Variants in SKAP2 observed in about 807,000 individuals in gnomAD.
SKAP2 encodes src kinase associated phosphoprotein 2, also known as src kinase-associated phosphoprotein 2.
In SKAP2, 28 loss-of-function variants were observed where a neutral mutation model predicts 54.9. That is an observed-to-expected ratio of 0.51 (90% CI 0.38 to 0.70). SKAP2 has a LOEUF of 0.70. Among genes scored for constraint, SKAP2 ranks in the 30% least tolerant of loss-of-function variants. SKAP2 has a pLI of 0.00. For synonymous variants in SKAP2, 137 were observed against 134.3 expected (o/e 1.02, Z -0.14); for missense variants, 356 against 424.1 (o/e 0.84, Z 1.41).
chr7:26,748,406 G>C (rs1248696174), intron 4 of SKAP2, among the ~76,000 whole-genome samples: 5 of 151,986 alleles, frequency 3.3e-5, no homozygotes, highest in Admixed American at 3.3e-4. Context: ...TCATTTAAAA[G>C]TAAGGTTTTA....
chr7:26,658,276 CCTTT>C, the SKAP2 span, among the ~76,000 whole-genome samples: 1 of 152,160 alleles, frequency 6.6e-6, no homozygotes, highest in Non-Finnish European at 1.5e-5. Flanking sequence ...GCAAATGTTA[CCTTT>C]CTTTTTCAAT....
intron 4 of SKAP2, among the ~76,000 whole-genome samples, chr7:26,756,684 G>A (rs1418665656): frequency 6.6e-6 from 1 of 152,052 alleles, no homozygotes; most frequent in African/African-American, 2.4e-5. Flanking sequence ...TAATCCTTTG[G>A]GTATATACCC....
intron 9 of SKAP2, among the ~76,000 whole-genome samples, chr7:26,701,215 C>T (rs1787014655): frequency 6.6e-6 from 1 of 152,112 alleles, no homozygotes; most frequent in Admixed American, 6.5e-5. Context: ...GCTTCTGTTC[C>T]CTCTTACCAA....
chr7:26,847,226 T>C (rs759408174), intron 3 of SKAP2, among the ~76,000 whole-genome samples: 2 of 152,170 alleles, frequency 1.3e-5, no homozygotes, highest in African/African-American at 2.4e-5. Context: ...AGAATCTATA[T>C]GCTATATATA....
chr7:26,755,652 T>C (rs370872787), intron 4 of SKAP2, among the ~76,000 whole-genome samples: 11 of 152,304 alleles, frequency 7.2e-5, no homozygotes, highest in Admixed American at 6.5e-4. Context: ...CTGTCTTCTC[T>C]TCACTGCTGT....
intron 11 of SKAP2, among the ~76,000 whole-genome samples, chr7:26,672,131 T>C (rs1786256821): frequency 6.6e-6 from 1 of 152,120 alleles, no homozygotes. Context: ...GACATATTAT[T>C]GGCATAAACT....
chr7:26,827,948 G>C lies in SKAP2; in HGVS notation c.307+16082C>G, dbSNP rs538499522. On this transcript the variant is annotated intron_variant, in intron 4 of 12. Transcript: ENST00000345317. ...TCAGTCCCCTATGTGACTGACACAGGGAAAAAATAAATAAATAAATACATT... is the reference window on the plus strand; with the variant it reads ...TCAGTCCCCTATGTGACTGACACAGCGAAAAAATAAATAAATAAATACATT... Among the ~76,000 whole-genome samples the C allele has an allele frequency of 1.4e-4, 21 of 152,026 alleles. No homozygotes were observed. The South Asian group carries it at 4.2e-3, about 30-fold the overall frequency.
intron 4 of SKAP2, among the ~76,000 whole-genome samples, chr7:26,764,068 A>T (rs907854725): frequency 1.3e-5 from 2 of 152,138 alleles, no homozygotes; most frequent in East Asian, 3.8e-4. Flanking sequence ...GATGTCAAAT[A>T]CTCTTTATAT....
At chr7:26,734,443 C>A (rs1787882616) in intron 6 of SKAP2, among the ~76,000 whole-genome samples, 1 of 152,170 alleles carries the variant, frequency 6.6e-6, no homozygotes, top group Non-Finnish European at 1.5e-5. Context: ...GCCTTCATTC[C>A]ATTTTTGATC....
chr7:26,761,314 T>C (rs1782924775), intron 4 of SKAP2, among the ~76,000 whole-genome samples: 1 of 152,200 alleles, frequency 6.6e-6, no homozygotes, highest in Non-Finnish European at 1.5e-5. Context: ...AATAAATCTG[T>C]AATGTCAAAA....
At chr7:26,833,736 C>A (rs376730067) in intron 4 of SKAP2, among the ~76,000 whole-genome samples, 1 of 152,084 alleles carries the variant, frequency 6.6e-6, no homozygotes, top group Admixed American at 6.5e-5. Flanking sequence ...TTCTCAGAGA[C>A]CCACAAAGAG....
chr7:26,780,942 T>C (rs1178068370), intron 4 of SKAP2, among the ~76,000 whole-genome samples: 1 of 151,460 alleles, frequency 6.6e-6, no homozygotes, highest in African/African-American at 2.4e-5. Context: ...TCTCAGGCCA[T>C]AGTGTATTAA....
At chr7:26,756,769 T>C (rs1782803885) in intron 4 of SKAP2, among the ~76,000 whole-genome samples, 1 of 152,236 alleles carries the variant, frequency 6.6e-6, no homozygotes, top group South Asian at 2.1e-4. Context: ...TCTTCCACAA[T>C]GGTTGAACTA....
chr7:26,726,961 C>G lies in SKAP2; in HGVS notation c.515G>C (p.Arg172Thr). Residue 172 changes from arginine (R) to threonine (T), a missense_variant, in exon 7 of 13, where the codon AGA (arginine) becomes ACA (threonine). Arg to Thr is a moderately conservative substitution (Grantham distance 71). Transcript: ENST00000345317. ...ATCCTTTCTTAGAGTGTTATTCATT[C>G]TGACACTGTAGCCATCTATTGCAAA... ...GEFAIDGYSV[R>T]MNNTLRKDGK... The G allele has an allele frequency of 6.2e-7, 1 of 1,608,132 alleles. No homozygotes were observed. The highest frequency in any genetic ancestry group is 2.2e-5 in the East Asian group (1 of 44,506).
intron 4 of SKAP2, among the ~76,000 whole-genome samples, chr7:26,767,199 G>C (rs1163172648): frequency 1.3e-5 from 2 of 152,168 alleles, no homozygotes; most frequent in African/African-American, 4.8e-5. Context: ...AGACTTGGCA[G>C]GGTGTATGTG....
intron 11 of SKAP2, among the ~76,000 whole-genome samples, chr7:26,673,758 G>C (rs1786291636): frequency 6.6e-6 from 1 of 152,010 alleles, no homozygotes; most frequent in Non-Finnish European, 1.5e-5. Context: ...TACCATTATA[G>C]TCATTTTATT....
At chr7:26,665,316 C>G (rs1281402654), downstream of SKAP2, among the ~76,000 whole-genome samples, 1 of 152,176 alleles carries the variant, frequency 6.6e-6, no homozygotes, top group Non-Finnish European at 1.5e-5. Context: ...AAGGAAACAT[C>G]TAAGGACAAT....
chr7:26,664,091 A>C (rs1786065141), downstream of SKAP2, among the ~76,000 whole-genome samples: 1 of 152,162 alleles, frequency 6.6e-6, no homozygotes. Flanking sequence ...AAAGAATCCA[A>C]ATAAGCATTT....
At chr7:26,763,084 T>C (rs1249543386) in intron 4 of SKAP2, among the ~76,000 whole-genome samples, 1 of 152,204 alleles carries the variant, frequency 6.6e-6, no homozygotes, top group African/African-American at 2.4e-5. Flanking sequence ...GAAAATGTTG[T>C]CTTCAAGTCT....
Sources: allele counts gnomAD v4.1 joint callset (sites outside exome capture counted in the v4.1 genomes callset), GRCh38; gene constraint gnomAD v4.1.1; transcripts MANE v1.5; gene names NCBI Gene and HGNC (gene_info 2026-07-23, HGNC 2026-07-21).